ACSL1: variants seen among roughly 807,000 people sequenced by gnomAD.
The protein encoded by ACSL1 is long-chain-fatty-acid--CoA ligase 1.
ACSL1 carries 41 observed loss-of-function variants against 98.4 expected under a neutral mutation model. That is an observed-to-expected ratio of 0.42 (90% confidence interval 0.32 to 0.54). The LOEUF (loss-of-function observed/expected upper bound fraction) is 0.54, where lower values mean the gene tolerates loss of function less well. Ranked by LOEUF, ACSL1 falls within the 20% of genes least tolerant of loss-of-function variation. The pLI, the probability that ACSL1 is intolerant of heterozygous loss-of-function variation, is 0.13. For missense variants in ACSL1, 734 were observed against 883.1 expected, an observed-to-expected ratio of 0.83 and a Z score of 2.14; for synonymous variants, 316 against 322.7, an observed-to-expected ratio of 0.98 and a Z score of 0.22.
Position 184,773,537 on chromosome 4 carries a change from T to C in ACSL1, c.841+126A>G. ...TACAGAGCAACAAGAAGACAGCACT[T>C]GAACCGCTTCCTTCTCTTCTGCTTT... is the stretch of plus-strand genomic sequence containing the variant. On this transcript the variant is annotated intron_variant, in intron 9 of 20. Coordinates refer to ENST00000281455, the MANE Select transcript of ACSL1 (RefSeq NM_001995.5). The surrounding 1 kb of genome is among the most constrained non-coding windows in gnomAD (Gnocchi z 4.3). 1.1e-6 allele frequency: 1 copy of C among 884,340 alleles called. No homozygotes were observed. Among genetic ancestry groups the C allele is most frequent in the South Asian group, 1.7e-5 (1 of 57,330 alleles). 54.8% of individuals were successfully genotyped at this position (884,340 alleles called of 1,614,324 possible).
At position 184,774,141 on chromosome 4, in the gene ACSL1, T is replaced by C. The variant is rs190390071; in HGVS notation, c.757-266A>G. ...ACGGTATTAGGACTGGTCTTTGAAA[T>C]AGGATGTATTAAAAAAACAGCAGCC... On this transcript the variant is annotated intron_variant, in intron 7 of 20. Coordinates refer to ENST00000281455, the MANE Select transcript of ACSL1 (RefSeq NM_001995.5). Among the ~76,000 whole-genome samples, 32 of 152,254 alleles carry C rather than the reference T, an allele frequency of 2.1e-4. No individual in the cohort carries two copies. The East Asian group carries it at 2.5e-3, about 12-fold the overall frequency.
At chr4:184,811,455 C>T (rs1474226443) in intron 1 of ACSL1, among the ~76,000 whole-genome samples, 1 of 152,070 alleles carries the variant, frequency 6.6e-6, no homozygotes, top group Admixed American at 6.6e-5. Context: ...AGATTTCCAA[C>T]AACAGATGAA....
At chr4:184,792,311 C>T (rs191257635) in intron 2 of ACSL1, among the ~76,000 whole-genome samples, 1 of 152,268 alleles carries the variant, frequency 6.6e-6, no homozygotes, top group Admixed American at 6.5e-5. Flanking sequence ...CACACTGTCA[C>T]TCAGTTGTCA....
At chr4:184,781,840 A>C (rs1184383063) in intron 4 of ACSL1, among the ~76,000 whole-genome samples, 6 of 152,088 alleles carry the variant, frequency 3.9e-5, no homozygotes, top group Non-Finnish European at 8.8e-5. Flanking sequence ...TGAACTCCTG[A>C]CCTCAGGTGA....
chr4:184,805,305 T>C (rs1771242687), intron 1 of ACSL1: 1 of 175,292 alleles, frequency 5.7e-6, no homozygotes, highest in Non-Finnish European at 1.1e-5. Context: ...GTCTCTGTTT[T>C]ACAGGCCATT....
chr4:184,803,572 T>G lies in ACSL1; in HGVS notation c.-32-26A>C. ...CTGTTGGGAGAGAAAAATGTCACGTTCGTTCCAGGGAAGCAGGACCCCTCT... is the reference window on the plus strand; with the variant it reads ...CTGTTGGGAGAGAAAAATGTCACGTGCGTTCCAGGGAAGCAGGACCCCTCT... On this transcript the variant is annotated intron_variant, in intron 1 of 20. Coordinates refer to ENST00000281455, the MANE Select transcript of ACSL1 (RefSeq NM_001995.5). The surrounding 1 kb of genome is among the most constrained non-coding windows in gnomAD (Gnocchi z 4.8). 1 of 1,394,276 alleles carries G rather than the reference T, an allele frequency of 7.2e-7. No individual in the cohort carries two copies. Among genetic ancestry groups the G allele is most frequent in the Non-Finnish European group, 9.4e-7 (1 of 1,063,440 alleles). 86.4% of individuals were successfully genotyped at this position (1,394,276 alleles called of 1,614,324 possible).
At chr4:184,765,051 G>A in intron 14 of ACSL1, 126 bp from the exon 15 acceptor site, 1 of 919,358 alleles carries the variant, frequency 1.1e-6, no homozygotes, top group Non-Finnish European at 1.7e-6. Flanking sequence ...ATTTCAAATG[G>A]TCTGTTCAGT....
At chr4:184,793,070 A>G (rs1768680796) in intron 2 of ACSL1, among the ~76,000 whole-genome samples, 1 of 152,168 alleles carries the variant, frequency 6.6e-6, no homozygotes, top group South Asian at 2.1e-4. Context: ...CAGGGCAAGC[A>G]AAGCAGACAA....
intron 1 of ACSL1, chr4:184,821,206 C>A: frequency 2.3e-6 from 1 of 436,656 alleles, no homozygotes; most frequent in South Asian, 1.6e-5. Flanking sequence ...TCAGCTACCA[C>A]AGCCCTGCTT....
intron 2 of ACSL1, among the ~76,000 whole-genome samples, chr4:184,790,100 G>A (rs571006839): frequency 2.6e-5 from 4 of 152,266 alleles, no homozygotes; most frequent in Admixed American, 2.6e-4. Context: ...AGGGCGGCAG[G>A]CTGAGGAGGG....
Position 184,768,329 on chromosome 4 carries a change from C to T in ACSL1, c.1115G>A (p.Arg372Gln), listed in dbSNP as rs779320025. ...CTTGGAACTTACTCGGTCAAACATCCGGTTCAGCAGTCTTGGAACCACGGG... is the reference window on the plus strand; with the variant it reads ...CTTGGAACTTACTCGGTCAAACATCTGGTTCAGCAGTCTTGGAACCACGGG... ...VFPVVPRLLN[R>Q]MFDRIFGQAN... Residue 372 changes from arginine to glutamine, a missense_variant, in exon 12 of 21, where the codon CGG (arginine) becomes CAG (glutamine). Coordinates refer to ENST00000281455, the MANE Select transcript of ACSL1 (RefSeq NM_001995.5). The T allele has an allele frequency of 5.6e-6, 9 of 1,611,536 alleles. No homozygotes were observed. The East Asian group carries it at 1.1e-4, about 20-fold the overall frequency.
intron 5 of ACSL1, among the ~76,000 whole-genome samples, chr4:184,778,300 C>T (rs1269732880): frequency 6.6e-6 from 1 of 152,356 alleles, no homozygotes; most frequent in African/African-American, 2.4e-5. Flanking sequence ...ACAACCCACT[C>T]ACATCCACTT....
At chr4:184,787,022 C>T (rs1291465343) in intron 3 of ACSL1, among the ~76,000 whole-genome samples, 3 of 152,118 alleles carry the variant, frequency 2.0e-5, no homozygotes, top group African/African-American at 7.2e-5. Context: ...ATATTACATG[C>T]AACCTATCAT....
intron 10 of ACSL1, among the ~76,000 whole-genome samples, chr4:184,772,479 C>T (rs74439804): frequency 0.01 from 1,569 of 152,272 alleles, 24 homozygotes; most frequent in African/African-American, 0.036. Flanking sequence ...TTGGAATAGG[C>T]TGTTGGTGTT....
At chr4:184,807,927 A>G (rs1771637533) in intron 1 of ACSL1, among the ~76,000 whole-genome samples, 1 of 152,192 alleles carries the variant, frequency 6.6e-6, no homozygotes, top group Non-Finnish European at 1.5e-5. Flanking sequence ...GAGAACACAC[A>G]TAACTATCAC....
intron 7 of ACSL1, 35 bp downstream of exon 7, chr4:184,776,449 A>C (rs1217808031): frequency 6.3e-7 from 1 of 1,593,990 alleles, no homozygotes; most frequent in African/African-American, 1.3e-5. Flanking sequence ...CCCCAGGGAA[A>C]GCCTTCAGAG....
chr4:184,826,241 C>T (rs1420996838), upstream of ACSL1: 4 of 150,812 alleles, frequency 2.7e-5, no homozygotes, highest in African/African-American at 7.3e-5. Context: ...CCGCTGGAGT[C>T]GCCCAGACTG....
chr4:184,788,418 G>A, intron 3 of ACSL1, 199 bp downstream of exon 3: 2 of 674,044 alleles, frequency 3.0e-6, no homozygotes, highest in Non-Finnish European at 5.4e-6. Context: ...TTTGACCATG[G>A]AGCCCCCAGG....
intron 2 of ACSL1, among the ~76,000 whole-genome samples, chr4:184,795,079 A>G (rs1769116224): frequency 6.6e-6 from 1 of 152,186 alleles, no homozygotes; most frequent in Admixed American, 6.5e-5. Context: ...TCCTACAAAT[A>G]CACATTGTTC....
Sources: allele counts gnomAD v4.1 joint callset (sites outside exome capture counted in the v4.1 genomes callset), GRCh38; gene constraint gnomAD v4.1.1; non-coding constraint Gnocchi (gnomAD v3.1); transcripts MANE v1.5; gene names NCBI Gene and HGNC (gene_info 2026-07-23, HGNC 2026-07-21).